The following CHTOP variants were observed in gnomAD, a reference collection of about 807,000 sequenced individuals.
CHTOP encodes chromatin target of PRMT1 protein.
CHTOP carries 18 observed loss-of-function variants against 33.6 expected under a neutral mutation model. The observed-to-expected ratio is 0.54, with a 90% CI of 0.37 to 0.80. The LOEUF is 0.80. Among genes scored for constraint, CHTOP ranks in the 30% least tolerant of loss-of-function variants. The pLI is 0.00. For missense variants in CHTOP, 263 were observed against 336.8 expected (o/e 0.78, Z 1.71); for synonymous variants, 117 against 127.7 (o/e 0.92, Z 0.56).
At chr1:153,638,029 C>T (rs1248214293) in intron 2 of CHTOP, 9 of 432,184 alleles carry the variant, frequency 2.1e-5, no homozygotes, top group African/African-American at 8.0e-5. Flanking sequence ...TTTTTCATAC[C>T]TTCCACCTCT....
In CHTOP at chr1:153,643,299, G is replaced by A. The variant is rs753231314; in HGVS notation, c.476G>A (p.Arg159His). 10 of 1,613,678 alleles carry A rather than the reference G, an allele frequency of 6.2e-6. No individual in the cohort carries two copies. Among genetic ancestry groups the A allele is most frequent in the Admixed American group, 3.3e-5 (2 of 59,952 alleles). ...MGLRRGGVRG[R>H]GGPGRGGLGR... is the part of the protein sequence containing the mutation. Reference sequence around the variant, plus strand: ...TTAAGAAGAGGTGGTGTTCGAGGTCGTGGAGGTCCTGGGAGAGGGGGCCTA... The same window carrying A: ...TTAAGAAGAGGTGGTGTTCGAGGTCATGGAGGTCCTGGGAGAGGGGGCCTA... Residue 159 changes from arginine to histidine, a missense_variant, in exon 5 of 6, where the codon CGT becomes CAT. By Grantham distance (29) the Arg-to-His change is conservative. Transcript: ENST00000368694.
rs766167372 is a variant in CHTOP, at chr1:153,643,266, G to A, written c.443G>A (p.Arg148Gln). 2.4e-5 allele frequency: 39 copies of A among 1,613,982 alleles called. No homozygotes were observed. Among genetic ancestry groups the A allele is most frequent in the South Asian group, 7.7e-5 (7 of 91,078 alleles). ...CGAGGTGGACGAGCCGTAGCTCCCCGAATGGGCTTAAGAAGAGGTGGTGTT... is the reference window on the plus strand; with the variant it reads ...CGAGGTGGACGAGCCGTAGCTCCCCAAATGGGCTTAAGAAGAGGTGGTGTT... ...LLRGGRAVAP[R>Q]MGLRRGGVRG... Residue 148 changes from arginine to glutamine, a missense_variant, in exon 5 of 6, where the codon CGA becomes CAA. Physicochemically the swap from Arg to Gln is conservative, Grantham distance 43. Coordinates refer to ENST00000368694, the MANE Select transcript of CHTOP (RefSeq NM_015607.4).
At chr1:153,643,762 GAGAT>G (rs1236906165) in intron 5 of CHTOP, 2 of 155,236 alleles carry the variant, frequency 1.3e-5, no homozygotes, top group East Asian at 3.8e-4. Flanking sequence ...AAGAGAGAGA[GAGAT>G]ACAAAGATGA....
rs183636263 is a variant in CHTOP, at chr1:153,639,326, C to T, written c.219+878C>T. Reference sequence around the variant, plus strand: ...TTCAAATTTACAGTGAGAGATAATCCTATTCAGACCTGAAATAAAACCTGC... The same window carrying T: ...TTCAAATTTACAGTGAGAGATAATCTTATTCAGACCTGAAATAAAACCTGC... On this transcript the variant is annotated intron_variant, in intron 3 of 5. Transcript: ENST00000368694. 14 of 482,554 alleles carry T rather than the reference C, an allele frequency of 2.9e-5. No homozygotes were observed. In the East Asian group the frequency reaches 2.1e-3, roughly 73 times the overall value. 29.9% of individuals were successfully genotyped at this position (482,554 alleles called of 1,614,324 possible). A position where few individuals can be genotyped will look rare whatever the true frequency, so the allele number is the denominator to read the frequency against.
At position 153,645,314 on chromosome 1, in the gene CHTOP, C is replaced by T. The variant is rs770605014; in HGVS notation, c.*45C>T. 67 of 1,569,492 alleles carry T rather than the reference C, an allele frequency of 4.3e-5. 2 individuals are homozygous for T. The Admixed American group carries it at 1.1e-3, about 26-fold the overall frequency. On this transcript the variant is annotated 3_prime_UTR_variant, in exon 6 of 6. Transcript: ENST00000368694. ...GAGAGACTCTTGTTAGTCAACACAT[C>T]TGTAAATAACCTTGAGATAACAGAT...
chr1:153,636,551 T>C (rs1208239563), intron 1 of CHTOP, 21 bp from the exon 2 acceptor site: 9 of 1,594,094 alleles, frequency 5.6e-6, no homozygotes, highest in Non-Finnish European at 7.7e-6. Flanking sequence ...ATTTGCTCAT[T>C]TTACGTATTG....
chr1:153,643,501 AT>A, intron 5 of CHTOP, 137 bp downstream of exon 5: 2 of 898,108 alleles, frequency 2.2e-6, no homozygotes, highest in Admixed American at 3.2e-5. Context: ...AAACTGGCTT[AT>A]TTTTCAAATT....
At position 153,642,406 on chromosome 1, in the gene CHTOP, T is replaced by A; in HGVS notation, c.380T>A (p.Leu127His). The part of the protein sequence containing the change: ...LRGGRATRTL[L>H]RGGMSLRGQN... The stretch of plus-strand genomic sequence containing the variant: ...GGGGGACGTGCCACCAGAACCCTAC[T>A]TAGGGGCGGGATGTCACTCCGAGGT... The change falls in exon 4 of 6, where the codon CTT becomes CAT. Residue 127 changes from leucine to histidine, a missense_variant. Leu to His is a moderately conservative substitution (Grantham distance 99, BLOSUM62 -3). Transcript: ENST00000368694. 1 of 1,613,676 alleles carries A rather than the reference T, an allele frequency of 6.2e-7. No individual in the cohort carries two copies. Among genetic ancestry groups the A allele is most frequent in the Non-Finnish European group, 8.5e-7 (1 of 1,179,664 alleles).
intron 3 of CHTOP, 84 bp from the exon 4 acceptor site, chr1:153,642,162 T>C: frequency 8.3e-7 from 1 of 1,200,810 alleles, no homozygotes; most frequent in South Asian, 1.5e-5. Flanking sequence ...TCTCACTTGC[T>C]TCTTTTTCTC....
At chr1:153,635,729 A>G (rs1026840336) in intron 1 of CHTOP, among the ~76,000 whole-genome samples, 4 of 151,710 alleles carry the variant, frequency 2.6e-5, no homozygotes, top group African/African-American at 9.7e-5. Context: ...AGGCTGAGGC[A>G]GGAGAATGGC....
At position 153,636,621 on chromosome 1, in the gene CHTOP, A is replaced by G. The variant is rs1571314362; in HGVS notation, c.33A>G (p.Leu11=). The G allele has an allele frequency of 6.2e-6, 10 of 1,613,730 alleles. No homozygotes were observed. The highest frequency in any genetic ancestry group is 8.5e-6 in the Non-Finnish European group (10 of 1,179,652). Residue 11 remains leucine, a synonymous_variant, in exon 2 of 6, where the codon CTA becomes CTG. Coordinates refer to ENST00000368694, the MANE Select transcript of CHTOP (RefSeq NM_015607.4). ...CACAGTCAGCGCCGAAAGTTGTGCT[A>G]AAAAGCACCACCAAGATGTCTCTAA... The part of the protein sequence containing the change: MAAQSAPKVV[L]KSTTKMSLNE...
At position 153,639,669 on chromosome 1, in the gene CHTOP, G is replaced by T. The variant is rs1056645368; in HGVS notation, c.219+1221G>T. ...AGAGTAAATGGAAGTTGCTGAAGAT[G>T]AATCTCTGACAGATCATTCCAAAGG... On this transcript the variant is annotated intron_variant, in intron 3 of 5. Transcript: ENST00000368694. 2.6e-5 allele frequency among the ~76,000 whole-genome samples: 4 copies of T among 152,194 alleles called. 1 individual carries two copies. Among genetic ancestry groups the T allele is most frequent in the Non-Finnish European group, 5.9e-5 (4 of 68,044 alleles).
rs144002788 is a variant in CHTOP, at chr1:153,638,325, G to A, written c.96G>A (p.Pro32=). ...RFTNMLKNKQ[P]TPVNIRASMQ... ...CTAATATGCTGAAGAACAAACAGCCGACGCCAGTGAATATTCGGGCTTCGA... is the reference window on the plus strand; with the variant it reads ...CTAATATGCTGAAGAACAAACAGCCAACGCCAGTGAATATTCGGGCTTCGA... The change falls in exon 3 of 6, where the codon CCG becomes CCA. Residue 32 remains proline, a synonymous_variant. Transcript: ENST00000368694. 2.0e-5 allele frequency: 33 copies of A among 1,614,210 alleles called. No individual in the cohort carries two copies. Among genetic ancestry groups the A allele is most frequent in the Middle Eastern group, 3.3e-4 (2 of 6,062 alleles).
chr1:153,639,325 C>T, intron 3 of CHTOP: 5 of 473,674 alleles, frequency 1.1e-5, no homozygotes, highest in Non-Finnish European at 1.4e-5. Flanking sequence ...GAGAGATAAT[C>T]CTATTCAGAC....
At chr1:153,638,898 T>A in intron 3 of CHTOP, among the ~76,000 whole-genome samples, 1 of 128,068 alleles carries the variant, frequency 7.8e-6, no homozygotes. Context: ...TTTTTTTTTT[T>A]TAGACGGAGT....
At chr1:153,639,187 G>A (rs752523147) in intron 3 of CHTOP, among the ~76,000 whole-genome samples, 1 of 152,098 alleles carries the variant, frequency 6.6e-6, no homozygotes, top group African/African-American at 2.4e-5. Flanking sequence ...AGCAGTCAAA[G>A]GTTTTCAATG....
At chr1:153,638,955 A>T (rs900138357) in intron 3 of CHTOP, among the ~76,000 whole-genome samples, 4 of 148,178 alleles carry the variant, frequency 2.7e-5, no homozygotes, top group Non-Finnish European at 5.9e-5. Flanking sequence ...ATCTCGGCTC[A>T]CTGCAAGCTC....
Position 153,643,251 on chromosome 1 carries a change from G to A in CHTOP, c.428G>A (p.Arg143Gln), listed in dbSNP as rs377148288. ...GGTCAAAACCTGCTCCGAGGTGGAC[G>A]AGCCGTAGCTCCCCGAATGGGCTTA... ...LRGQNLLRGGRAVAPRMGLRR... is the reference protein window; with the variant it reads ...LRGQNLLRGGQAVAPRMGLRR... The change falls in exon 5 of 6, where the codon CGA becomes CAA. Residue 143 changes from arginine to glutamine, a missense_variant. Arg to Gln is a conservative substitution (Grantham distance 43). Coordinates refer to ENST00000368694, the MANE Select transcript of CHTOP (RefSeq NM_015607.4). The A allele has an allele frequency of 4.2e-5, 67 of 1,614,032 alleles. No homozygotes were observed. Among genetic ancestry groups the A allele is most frequent in the East Asian group, 2.0e-4 (9 of 44,900 alleles).
chr1:153,638,490 C>T (rs202204550), intron 3 of CHTOP, 42 bp downstream of exon 3: 2 of 1,612,072 alleles, frequency 1.2e-6, no homozygotes, highest in South Asian at 1.1e-5. Context: ...AGCTGGTGAT[C>T]TCTGTGAGGG....
Sources: gnomAD v4.1 joint callset for allele counts (sites outside exome capture counted in the v4.1 genomes callset) on GRCh38, gnomAD v4.1.1 for gene constraint, MANE v1.5 for transcripts, NCBI Gene and HGNC (gene_info 2026-07-23, HGNC 2026-07-21) for gene names.